The following CEP112 variants were observed in gnomAD, a reference collection of about 807,000 sequenced individuals.
The protein encoded by CEP112 is centrosomal protein 112.
In CEP112, 127 loss-of-function variants were observed where a neutral mutation model predicts 153.0. That is an observed-to-expected ratio of 0.83 (90% CI 0.72 to 0.96). The LOEUF is 0.96. CEP112 is among the 40% of genes least tolerant of loss of function. CEP112 has a pLI of 0.00. For synonymous variants in CEP112, 358 were observed against 374.4 expected (o/e 0.96, Z 0.51); for missense variants, 1,089 against 1,101.2 (o/e 0.99, Z 0.16).
At chr17:65,859,814 C>T (rs1185491262) in intron 20 of CEP112, among the ~76,000 whole-genome samples, 10 of 147,800 alleles carry the variant, frequency 6.8e-5, no homozygotes, top group Non-Finnish European at 1.3e-4. Flanking sequence ...TGAGACTAGC[C>T]TGGTCAACAT....
chr17:65,690,675 C>T (rs1260237091), intron 23 of CEP112, among the ~76,000 whole-genome samples: 1 of 151,982 alleles, frequency 6.6e-6, no homozygotes, highest in Non-Finnish European at 1.5e-5. Flanking sequence ...TGTAAATTTC[C>T]ACAGGAAGAG....
chr17:66,050,755 T>C (rs1424182234), intron 12 of CEP112, among the ~76,000 whole-genome samples: 2 of 152,128 alleles, frequency 1.3e-5, no homozygotes, highest in Non-Finnish European at 2.9e-5. Flanking sequence ...GGAGCTCCCA[T>C]GGTGTAATTC....
rs569770094 is a variant in CEP112, at chr17:66,123,859, C to CTCTA, written c.642+5883_642+5886dup. ...ATTTCCCAAATAATTTGTTACCAAT[C>CTCTA]TCTAGTTTAATTCTCTATGATCTGA... On this transcript the variant is annotated intron_variant, in intron 6 of 26. Transcript: ENST00000535342. Among the ~76,000 whole-genome samples the CTCTA allele has an allele frequency of 3.6e-3, 548 of 152,184 alleles. 2 individuals carry two copies. The highest frequency in any genetic ancestry group is 0.012 in the African/African-American group (514 of 41,508).
At position 65,937,932 on chromosome 17, in the gene CEP112, T is replaced by G. The variant is rs2061398933; in HGVS notation, c.1873-10243A>C. 4.0e-5 allele frequency among the ~76,000 whole-genome samples: 5 copies of G among 124,386 alleles called. No homozygotes were observed. In the Admixed American group the frequency reaches 4.8e-4, roughly 12 times the overall value. The allele number at this position is 124,386 out of a possible 152,430, so 81.6% of individuals were successfully genotyped here. A position where few individuals can be genotyped will look rare whatever the true frequency, so the allele number is the denominator to read the frequency against. ...CTGGGAGGTGTGCCCAGCGGCTCATTGAGAACGGGCCATGATGACAGTGGC... is the reference window on the plus strand; with the variant it reads ...CTGGGAGGTGTGCCCAGCGGCTCATGGAGAACGGGCCATGATGACAGTGGC... On this transcript the variant is annotated intron_variant, in intron 18 of 26. Transcript: ENST00000535342.
intron 21 of CEP112, among the ~76,000 whole-genome samples, chr17:65,806,080 T>C (rs939931610): frequency 6.6e-6 from 1 of 152,212 alleles, no homozygotes; most frequent in Non-Finnish European, 1.5e-5. Context: ...ACCCAAGAAT[T>C]ATTCTTGACA....
chr17:65,826,059 C>T lies in CEP112; in HGVS notation c.2394+25745G>A, dbSNP rs2146066435. On this transcript the variant is annotated intron_variant, in intron 21 of 26. Coordinates refer to ENST00000535342, the MANE Select transcript of CEP112 (RefSeq NM_001199165.4). ...ATCTCCTTGAGATGAATTACCAATG[C>T]CTAACTCAGCTCAGCAATGAGATTT... 4 of 1,414,312 alleles carry T rather than the reference C, an allele frequency of 2.8e-6. No homozygotes were observed. In the African/African-American group the frequency reaches 5.7e-5, roughly 20 times the overall value. 87.6% of individuals were successfully genotyped at this position (1,414,312 alleles called of 1,614,324 possible).
chr17:65,988,698 A>C (rs2063487380), intron 17 of CEP112, among the ~76,000 whole-genome samples: 1 of 151,776 alleles, frequency 6.6e-6, no homozygotes. Flanking sequence ...TGAGCTTGAC[A>C]ACTGGCTACT....
At chr17:65,850,455 T>G (rs1296906063) in intron 21 of CEP112, among the ~76,000 whole-genome samples, 1 of 152,170 alleles carries the variant, frequency 6.6e-6, no homozygotes, top group African/African-American at 2.4e-5. Flanking sequence ...AGGTCTACCT[T>G]CAGAACATAT....
intron 16 of CEP112, among the ~76,000 whole-genome samples, chr17:66,023,298 A>C (rs902077308): frequency 6.6e-6 from 1 of 152,172 alleles, no homozygotes; most frequent in African/African-American, 2.4e-5. Flanking sequence ...TGAAGAAAAA[A>C]ATCCTAAACT....
chr17:65,712,212 C>A (rs575155785), intron 23 of CEP112, among the ~76,000 whole-genome samples: 3 of 152,138 alleles, frequency 2.0e-5, no homozygotes, highest in South Asian at 2.1e-4. Context: ...CTGTGCTCAA[C>A]AAAATAATTT....
At chr17:65,764,059 C>G (rs1461261062) in intron 21 of CEP112, among the ~76,000 whole-genome samples, 3 of 152,020 alleles carry the variant, frequency 2.0e-5, no homozygotes. Flanking sequence ...GTTTCTCCCC[C>G]TCCTAGCTCA....
intron 17 of CEP112, among the ~76,000 whole-genome samples, chr17:65,985,374 TTAA>T (rs2063369340): frequency 6.6e-6 from 1 of 152,088 alleles, no homozygotes; most frequent in Non-Finnish European, 1.5e-5. Context: ...AAGAAGAACA[TTAA>T]TGAAACCAGA....
intron 24 of CEP112, among the ~76,000 whole-genome samples, chr17:65,651,909 G>A (rs986053756): frequency 2.0e-5 from 3 of 152,082 alleles, no homozygotes; most frequent in African/African-American, 7.2e-5. Context: ...CACCATGTTC[G>A]CCAGGCTGGT....
chr17:65,656,477 T>C (rs1301992362), intron 24 of CEP112, among the ~76,000 whole-genome samples: 1 of 152,228 alleles, frequency 6.6e-6, no homozygotes, highest in East Asian at 1.9e-4. Flanking sequence ...GCGTGTTGCA[T>C]CTGTTAGACC....
chr17:65,937,429 G>A (rs1235742272), intron 18 of CEP112, among the ~76,000 whole-genome samples: 3 of 93,856 alleles, frequency 3.2e-5, no homozygotes, highest in African/African-American at 7.7e-5. Context: ...CTGCCCCACC[G>A]CCCCGTCTGG....
At chr17:65,758,268 C>G (rs925170536) in intron 21 of CEP112, among the ~76,000 whole-genome samples, 2 of 152,068 alleles carry the variant, frequency 1.3e-5, no homozygotes, top group Non-Finnish European at 2.9e-5. Flanking sequence ...TGGTTGTGCC[C>G]GTCCTCCTCC....
intron 21 of CEP112, among the ~76,000 whole-genome samples, chr17:65,802,727 T>C (rs528385153): frequency 1.3e-5 from 2 of 152,360 alleles, no homozygotes; most frequent in South Asian, 4.1e-4. Context: ...AGGAATTGTA[T>C]ATATTTATCA....
At chr17:65,772,197 C>A (rs1053995623) in intron 21 of CEP112, among the ~76,000 whole-genome samples, 8 of 151,532 alleles carry the variant, frequency 5.3e-5, no homozygotes, top group South Asian at 4.2e-4. Context: ...ATTGAAGCAA[C>A]CTGAAAAAGA....
chr17:66,082,876 A>G (rs1395040883), intron 8 of CEP112, among the ~76,000 whole-genome samples: 1 of 151,816 alleles, frequency 6.6e-6, no homozygotes, highest in Non-Finnish European at 1.5e-5. Context: ...TAATTAGTAA[A>G]TTAGGTTAAA....
Sources: gnomAD v4.1 joint callset for allele counts (sites outside exome capture counted in the v4.1 genomes callset) on GRCh38, gnomAD v4.1.1 for gene constraint, MANE v1.5 for transcripts, NCBI Gene and HGNC (gene_info 2026-07-23, HGNC 2026-07-21) for gene names.